The following PNPLA7 variants were observed in gnomAD, a reference collection of about 807,000 sequenced individuals.
PNPLA7 encodes patatin-like phospholipase domain-containing protein 7.
A neutral mutation model predicts 161.7 loss-of-function variants in PNPLA7; 153 were observed. The observed-to-expected ratio is 0.95, with a 90% CI of 0.83 to 1.08. The LOEUF (loss-of-function observed/expected upper bound fraction) is 1.08, where lower values mean the gene tolerates loss of function less well. Ranked by LOEUF, PNPLA7 falls within the 50% of genes least tolerant of loss-of-function variation. The pLI, the probability that PNPLA7 is intolerant of heterozygous loss-of-function variation, is 0.00. For synonymous variants in PNPLA7, 809 were observed against 782.1 expected, an observed-to-expected ratio of 1.03 and a Z score of -0.57; for missense variants, 1,739 against 1,856.6, an observed-to-expected ratio of 0.94 and a Z score of 1.16.
rs1051993694 is a variant in PNPLA7 at position 137,500,052 on chromosome 9, G to A, written c.1757+639C>T. Among the ~76,000 whole-genome samples, 16 of 152,362 alleles carry A rather than the reference G, an allele frequency of 1.1e-4. No homozygotes were observed. Among genetic ancestry groups the A allele is most frequent in the African/African-American group, 3.8e-4 (16 of 41,592 alleles). On this transcript the variant is annotated intron_variant, in intron 16 of 34. Coordinates refer to ENST00000406427, the MANE Select transcript of PNPLA7 (RefSeq NM_001098537.3). This position sits in a 1 kb window ranked among gnomAD's most constrained non-coding sequence, Gnocchi z 5.5. ...AGTGCCGTGGATGCAAAGACGTGGC[G>A]GCTCTGCCAGGCAGCCACAGGCGGG...
chr9:137,522,591 G>T, intron 9 of PNPLA7, 138 bp downstream of exon 9: 1 of 977,848 alleles, frequency 1.0e-6, no homozygotes, highest in Non-Finnish European at 1.5e-6. Flanking sequence ...CTATTCCTCT[G>T]AAATCACCTT....
At chr9:137,473,081 G>A (rs1831786625) in intron 25 of PNPLA7, among the ~76,000 whole-genome samples, 1 of 152,208 alleles carries the variant, frequency 6.6e-6, no homozygotes. Context: ...GGGCACATGT[G>A]CAGGGGAGCT....
Position 137,543,796 on chromosome 9 carries a change from G to A in PNPLA7, c.293C>T (p.Thr98Ile). 1.2e-6 allele frequency: 2 copies of A among 1,613,720 alleles called. No individual in the cohort carries two copies. The highest frequency in any genetic ancestry group is 1.7e-6 in the Non-Finnish European group (2 of 1,179,918). ...IMRKVTTLPN[T>I]LVENTALPRQ... Reference sequence around the variant, plus strand: ...GGGCAGGGCAGTGTTCTCCACAAGGGTGTTGGGGAGTGTGGTCACCTGCAG... The same window carrying A: ...GGGCAGGGCAGTGTTCTCCACAAGGATGTTGGGGAGTGTGGTCACCTGCAG... The change falls in exon 5 of 35, where the codon ACC becomes ATC. Residue 98 changes from threonine to isoleucine, a missense_variant. This residue lies in a region of PNPLA7 where 209 missense variants were observed against 252.8 expected (regional missense o/e 0.83). Coordinates refer to ENST00000406427, the MANE Select transcript of PNPLA7 (RefSeq NM_001098537.3). This position sits in a 1 kb window ranked among gnomAD's most constrained non-coding sequence, Gnocchi z 6.9.
intron 23 of PNPLA7, chr9:137,479,580 A>C: frequency 9.5e-7 from 1 of 1,054,008 alleles, no homozygotes; most frequent in Admixed American, 5.3e-5. Flanking sequence ...GCTGCAGAAC[A>C]GGAACATACA....
chr9:137,545,727 AGGAGC>A (rs1206977494), intron 4 of PNPLA7, among the ~76,000 whole-genome samples: 2 of 152,238 alleles, frequency 1.3e-5, no homozygotes, highest in Non-Finnish European at 2.9e-5. Context: ...ATACAGAGAT[AGGAGC>A]TGAGGGGACA....
intron 14 of PNPLA7, among the ~76,000 whole-genome samples, chr9:137,503,834 AGCAAG>A (rs1564324722): frequency 7.0e-4 from 24 of 34,482 alleles, no homozygotes; most frequent in African/African-American, 1.5e-3. Context: ...AGAAGAAAGA[AGCAAG>A]AAGAAGAAGG....
rs1024794104 is a variant in PNPLA7 at position 137,509,619 on chromosome 9, A to G, written c.1226-3536T>C. ...GTACAAATGAGTTTAGCTAGTATGA[A>G]TGAGTTTAACTGGCGTGAATGAGTT... On this transcript the variant is annotated intron_variant, in intron 12 of 34. Transcript: ENST00000406427. 1.3e-4 allele frequency: 51 copies of G among 398,586 alleles called. 1 individual carries two copies. The Admixed American group carries it at 1.3e-3, about 10-fold the overall frequency. The allele number at this position is 398,586 out of a possible 1,614,324, so 24.7% of individuals were successfully genotyped here. A position where few individuals can be genotyped will look rare whatever the true frequency, so the allele number is the denominator to read the frequency against.
At chr9:137,474,005 G>A (rs1053118929) in intron 25 of PNPLA7, among the ~76,000 whole-genome samples, 1 of 152,144 alleles carries the variant, frequency 6.6e-6, no homozygotes, top group Non-Finnish European at 1.5e-5. Flanking sequence ...TTGTGAGGCC[G>A]AGGTGGGTGG....
chr9:137,513,654 C>T (rs1043842453), intron 12 of PNPLA7, among the ~76,000 whole-genome samples: 1 of 152,046 alleles, frequency 6.6e-6, no homozygotes, highest in Non-Finnish European at 1.5e-5. Flanking sequence ...GGTCCCGTGG[C>T]GGCATTTTCC....
chr9:137,503,836 C>CAGAAAG (rs1564324765), intron 14 of PNPLA7, among the ~76,000 whole-genome samples: 28 of 1,250 alleles, frequency 0.022, no homozygotes, highest in African/African-American at 0.033. Context: ...AAGAAAGAAG[C>CAGAAAG]AAGAAGAAGA....
intron 8 of PNPLA7, among the ~76,000 whole-genome samples, chr9:137,530,258 C>G (rs1038095130): frequency 5.9e-5 from 9 of 152,256 alleles, no homozygotes; most frequent in Admixed American, 5.2e-4. Context: ...AGCCACCGCA[C>G]CTGGCCTTGA....
rs375984096 is a variant in PNPLA7 at position 137,547,161 on chromosome 9, C to T, written c.193+148G>A. 2,856 of 850,276 alleles carry T rather than the reference C, an allele frequency of 3.4e-3. 83 individuals carry two copies. In the South Asian group the frequency reaches 0.042, roughly 13 times the overall value. 52.7% of individuals were successfully genotyped at this position (850,276 alleles called of 1,614,324 possible). A position where few individuals can be genotyped will look rare whatever the true frequency, so the allele number is the denominator to read the frequency against. ...AACAGACTTGGCTTCCTGGAACCGA[C>T]GGGCTCAGCCTGAGCCCAGACGGGC... On this transcript the variant is annotated intron_variant, in intron 3 of 34. Coordinates refer to ENST00000406427, the MANE Select transcript of PNPLA7 (RefSeq NM_001098537.3). The surrounding 1 kb of genome is among the most constrained non-coding windows in gnomAD (Gnocchi z 4.6).
chr9:137,542,577 C>G, intron 7 of PNPLA7, 65 bp downstream of exon 7: 3 of 1,415,096 alleles, frequency 2.1e-6, no homozygotes, highest in Middle Eastern at 2.7e-4. Context: ...TTTTACAGCC[C>G]GAGAAGACAG....
intron 8 of PNPLA7, among the ~76,000 whole-genome samples, chr9:137,529,847 C>T (rs779081549): frequency 8.6e-5 from 13 of 151,726 alleles, no homozygotes; most frequent in African/African-American, 7.3e-5. Flanking sequence ...TTAGTAGAGA[C>T]GGGGTTTCAC....
chr9:137,485,332 G>A (rs893371044), intron 20 of PNPLA7, among the ~76,000 whole-genome samples: 5 of 151,740 alleles, frequency 3.3e-5, no homozygotes, highest in African/African-American at 9.8e-5. Flanking sequence ...AAACGCTGCA[G>A]GTAAGGCCTC....
chr9:137,547,892 G>C lies in PNPLA7; in HGVS notation c.31-233C>G, dbSNP rs904004666. Among the ~76,000 whole-genome samples, 6 of 152,208 alleles carry C rather than the reference G, an allele frequency of 3.9e-5. No homozygotes were observed. The highest frequency in any genetic ancestry group is 1.4e-4 in the African/African-American group (6 of 41,446). On this transcript the variant is annotated intron_variant, in intron 1 of 34. Coordinates refer to ENST00000406427, the MANE Select transcript of PNPLA7 (RefSeq NM_001098537.3). This position sits in a 1 kb window ranked among gnomAD's most constrained non-coding sequence, Gnocchi z 4.6. ...GGGATACAGTGGGGCAGGGCCAGCGGCTGCCCCAGGCATCACTAACACACC... is the reference window on the plus strand; with the variant it reads ...GGGATACAGTGGGGCAGGGCCAGCGCCTGCCCCAGGCATCACTAACACACC...
rs1831099722 is a variant in PNPLA7, at chr9:137,460,117, C to T, written c.*276G>A. On this transcript the variant is annotated 3_prime_UTR_variant, in exon 35 of 35. Coordinates refer to ENST00000406427, the MANE Select transcript of PNPLA7 (RefSeq NM_001098537.3). ...GGCTTCGGGGGGCCTCACAGGGCTT[C>T]GGGGGGCCTCACAGGGCTGCAGGGG... 3 of 351,198 alleles carry T rather than the reference C, an allele frequency of 8.5e-6. No homozygotes were observed. The highest frequency in any genetic ancestry group is 1.6e-5 in the Non-Finnish European group (3 of 185,212). 21.8% of individuals were successfully genotyped at this position (351,198 alleles called of 1,614,324 possible).
At chr9:137,460,517 G>A (rs527344618) in intron 34 of PNPLA7, 41 bp from the exon 35 acceptor site, 8 of 1,608,312 alleles carry the variant, frequency 5.0e-6, no homozygotes, top group East Asian at 2.2e-5. Context: ...ACCAGGCAGG[G>A]CAGGGGCTCT....
chr9:137,502,598 A>G (rs1833506948), intron 14 of PNPLA7, among the ~76,000 whole-genome samples: 1 of 123,854 alleles, frequency 8.1e-6, no homozygotes, highest in Non-Finnish European at 1.7e-5. Flanking sequence ...CAGCCCGAGG[A>G]GGAGCCGTGG....
Sources: allele counts gnomAD v4.1 joint callset (sites outside exome capture counted in the v4.1 genomes callset), GRCh38; gene constraint gnomAD v4.1.1; regional missense constraint gnomAD v4.1.1; non-coding constraint Gnocchi (gnomAD v3.1); transcripts MANE v1.5; gene names NCBI Gene and HGNC (gene_info 2026-07-23, HGNC 2026-07-21).